Variants in CHST9 observed in about 807,000 individuals in gnomAD.
CHST9 encodes carbohydrate sulfotransferase 9, also known as GalNAc-4-sulfotransferase 2.
Under a neutral mutation model 44.4 loss-of-function variants are expected in CHST9, and 41 were observed. That is an observed-to-expected ratio of 0.92 (90% CI 0.72 to 1.20). The LOEUF is 1.20. Ranked by LOEUF, CHST9 falls within the 50% of genes most tolerant of loss-of-function variation. The pLI, the probability that CHST9 is intolerant of heterozygous loss-of-function variation, is 0.00. For synonymous variants in CHST9, 171 were observed against 178.4 expected (o/e 0.96, Z 0.33); for missense variants, 504 against 516.5 (o/e 0.98, Z 0.23).
chr18:27,005,916 T>C (rs976437337), intron 4 of CHST9, among the ~76,000 whole-genome samples: 1 of 152,218 alleles, frequency 6.6e-6, no homozygotes, highest in Non-Finnish European at 1.5e-5. Context: ...CAAAGTTAGG[T>C]ACTACTGGGC....
rs2058842007 is a variant in CHST9 at position 27,172,648 on chromosome 18, T to A, written c.-97+12488A>T. ...ACTGTAATTTTCCTAATAAGGAGATTCCATCATAGTGAATTTTAACCTCAA... is the reference window on the plus strand; with the variant it reads ...ACTGTAATTTTCCTAATAAGGAGATACCATCATAGTGAATTTTAACCTCAA... On this transcript the variant is annotated intron_variant, in intron 1 of 5. Coordinates refer to ENST00000618847, the MANE Select transcript of CHST9 (RefSeq NM_031422.6). Among the ~76,000 whole-genome samples the A allele has an allele frequency of 3.9e-5, 6 of 152,152 alleles. 1 individual carries two copies. In the South Asian group the frequency reaches 1.0e-3, roughly 26 times the overall value.
At chr18:27,063,163 A>G (rs1446583251) in intron 2 of CHST9, among the ~76,000 whole-genome samples, 3 of 152,218 alleles carry the variant, frequency 2.0e-5, no homozygotes, top group Non-Finnish European at 4.4e-5. Context: ...CTTGTAAATA[A>G]GAAATAGAGA....
At chr18:26,980,565 G>T (rs2056679832) in intron 4 of CHST9, among the ~76,000 whole-genome samples, 1 of 152,128 alleles carries the variant, frequency 6.6e-6, no homozygotes. Context: ...GCCCAACACT[G>T]AATTTTCCCT....
chr18:27,000,622 G>GTCTATCTATCTATCTA (rs6146241), intron 4 of CHST9, among the ~76,000 whole-genome samples: 58 of 147,606 alleles, frequency 3.9e-4, no homozygotes, highest in South Asian at 8.8e-4. Flanking sequence ...TATTTGTTTT[G>GTCTATCTATCTATCTA]TCTATCTATC....
rs1210263347 is a variant in CHST9 at position 26,914,834 on chromosome 18, A to T, written c.*1425T>A. The T allele has an allele frequency of 5.0e-6, 2 of 397,144 alleles. No individual in the cohort carries two copies. The highest frequency in any genetic ancestry group is 4.1e-5 in the African/African-American group (2 of 48,592). 24.6% of individuals were successfully genotyped at this position (397,144 alleles called of 1,614,324 possible). ...CTGAATATTTACTGATAAGAAAAAA[A>T]TGATAGCTTAGGAAGAGGAAGATGT... On this transcript the variant is annotated 3_prime_UTR_variant, in exon 6 of 6. Transcript: ENST00000618847.
intron 4 of CHST9, among the ~76,000 whole-genome samples, chr18:26,996,865 G>A (rs1202233807): frequency 6.6e-6 from 1 of 152,190 alleles, no homozygotes; most frequent in African/African-American, 2.4e-5. Context: ...ACTCTATGCT[G>A]CTTGTCAGAG....
At chr18:26,925,379 AT>A (rs1298317711) in intron 5 of CHST9, among the ~76,000 whole-genome samples, 1 of 152,236 alleles carries the variant, frequency 6.6e-6, no homozygotes, top group Non-Finnish European at 1.5e-5. Flanking sequence ...CATTTTACAG[AT>A]TAAGAACCTG....
rs1196409999 is a variant in CHST9 at position 26,911,473 on chromosome 18, T to A, written c.*4786A>T. On this transcript the variant is annotated 3_prime_UTR_variant, in exon 6 of 6. Coordinates refer to ENST00000618847, the MANE Select transcript of CHST9 (RefSeq NM_031422.6). ...GATGCATGTTACACCAGGGGAAAAC[T>A]CTGCTGTCTTTTTCTGCCTATCAGG... 1 of 152,196 alleles carries A rather than the reference T, an allele frequency of 6.6e-6. No individual in the cohort carries two copies. The highest frequency in any genetic ancestry group is 1.5e-5 in the Non-Finnish European group (1 of 68,030). 9.4% of individuals were successfully genotyped at this position (152,196 alleles called of 1,614,324 possible). A position where few individuals can be genotyped will look rare whatever the true frequency, so the allele number is the denominator to read the frequency against.
At chr18:27,183,205 C>G (rs2058927582) in intron 1 of CHST9, among the ~76,000 whole-genome samples, 1 of 152,096 alleles carries the variant, frequency 6.6e-6, no homozygotes, top group African/African-American at 2.4e-5. Flanking sequence ...TGTCTTCTTT[C>G]ATTGAAAATA....
At chr18:27,032,584 A>G (rs1441438213) in intron 3 of CHST9, among the ~76,000 whole-genome samples, 1 of 152,214 alleles carries the variant, frequency 6.6e-6, no homozygotes, top group Admixed American at 6.5e-5. Context: ...GTGCCAGAAC[A>G]ACGCACCTCA....
At chr18:27,051,570 A>G (rs1157417568) in intron 2 of CHST9, among the ~76,000 whole-genome samples, 1 of 152,240 alleles carries the variant, frequency 6.6e-6, no homozygotes, top group African/African-American at 2.4e-5. Flanking sequence ...TCAACTGCCA[A>G]TGAGGAACAA....
intron 3 of CHST9, among the ~76,000 whole-genome samples, chr18:27,033,546 C>T (rs987091690): frequency 6.6e-5 from 10 of 152,114 alleles, no homozygotes; most frequent in African/African-American, 1.7e-4. Flanking sequence ...AGGATGTTTG[C>T]GTCATTCCCT....
chr18:27,001,546 T>C (rs539640123), intron 4 of CHST9, among the ~76,000 whole-genome samples: 5 of 152,302 alleles, frequency 3.3e-5, no homozygotes, highest in African/African-American at 1.2e-4. Context: ...GGTTCATGGC[T>C]TAACTAGGTT....
chr18:27,153,797 A>C (rs143058202), intron 1 of CHST9, among the ~76,000 whole-genome samples: 1 of 152,270 alleles, frequency 6.6e-6, no homozygotes, highest in African/African-American at 2.4e-5. Flanking sequence ...CAGGTGACTC[A>C]GGGCTTCCCA....
intron 2 of CHST9, among the ~76,000 whole-genome samples, chr18:27,124,370 A>T (rs899610263): frequency 2.6e-5 from 4 of 152,230 alleles, no homozygotes; most frequent in African/African-American, 9.6e-5. Flanking sequence ...GTTGCTGTGA[A>T]TGAACAAAGA....
intron 1 of CHST9, among the ~76,000 whole-genome samples, chr18:27,145,202 A>T (rs1598755335): frequency 6.6e-6 from 1 of 151,300 alleles, no homozygotes; most frequent in Non-Finnish European, 1.5e-5. Flanking sequence ...TTTGTTTATT[A>T]TTTTTTTGTG....
At chr18:27,175,322 G>A (rs1209510087) in intron 1 of CHST9, among the ~76,000 whole-genome samples, 1 of 151,960 alleles carries the variant, frequency 6.6e-6, no homozygotes, top group African/African-American at 2.4e-5. Flanking sequence ...ATGCCGGAAT[G>A]TATACAAACA....
At chr18:27,108,047 A>C (rs2058237301) in intron 2 of CHST9, among the ~76,000 whole-genome samples, 1 of 152,084 alleles carries the variant, frequency 6.6e-6, no homozygotes, top group African/African-American at 2.4e-5. Context: ...TTCTCTTTGA[A>C]ACTTCCTAAT....
In CHST9 at chr18:26,908,545, A is replaced by C. The variant is rs984735485; in HGVS notation, c.*7714T>G. The C allele has an allele frequency of 6.6e-6, 1 of 152,226 alleles. No homozygotes were observed. Among genetic ancestry groups the C allele is most frequent in the East Asian group, 1.9e-4 (1 of 5,198 alleles). 9.4% of individuals were successfully genotyped at this position (152,226 alleles called of 1,614,324 possible). ...ACAATTGAAAATATCAAAAGAAGAA[A>C]AATGCAAAGAGAAAAGAAGTAATTT... is the stretch of plus-strand genomic sequence containing the variant. On this transcript the variant is annotated 3_prime_UTR_variant, in exon 6 of 6. Transcript: ENST00000618847.
Sources: allele counts gnomAD v4.1 joint callset (sites outside exome capture counted in the v4.1 genomes callset), GRCh38; gene constraint gnomAD v4.1.1; transcripts MANE v1.5; gene names NCBI Gene and HGNC (gene_info 2026-07-23, HGNC 2026-07-21).